Variants in MARK4 observed in about 807,000 individuals in gnomAD.
The protein encoded by MARK4 is MAP/microtubule affinity-regulating kinase 4.
Under a neutral mutation model 81.5 loss-of-function variants are expected in MARK4, and 19 were observed. The observed-to-expected ratio is 0.23, with a 90% CI of 0.16 to 0.34. MARK4 has a LOEUF of 0.34. MARK4 is among the 10% of genes least tolerant of loss of function. The probability of loss-of-function intolerance (pLI) is 1.00; values close to 1 mark genes in which losing one functional copy is unlikely to be tolerated. For synonymous variants in MARK4, 436 were observed against 439.0 expected (o/e 0.99, Z 0.08); for missense variants, 772 against 1,058.8 (o/e 0.73, Z 3.76).
chr19:45,298,028 T>A, intron 15 of MARK4, 74 bp downstream of exon 15: 5 of 1,551,158 alleles, frequency 3.2e-6, no homozygotes, highest in Non-Finnish European at 4.4e-6. Flanking sequence ...TCCACTCTGC[T>A]CTGTCTCCTG....
In MARK4 at chr19:45,287,562, TG is replaced by T; in HGVS notation, c.1395del (p.Ser466ValfsTer40). 6.3e-7 allele frequency: 1 copy of T among 1,589,242 alleles called. No individual in the cohort carries two copies. The highest frequency in any genetic ancestry group is 8.6e-7 in the Non-Finnish European group (1 of 1,166,064). ...AGGCGAGCTGCAGCACCGCGGGGAG[TG>T]GGAGTCGAGGGCTGCCCCCCTCCAG... ...RKASCSTAGSGSRGLPPSSPM... is the reference protein window; with the variant it reads ...RKASCSTAGSXSRGLPPSSPM... On this transcript the variant is annotated frameshift_variant, in exon 13 of 17. Transcript: ENST00000262891. LOFTEE classifies it high-confidence loss of function.
At chr19:45,278,985 G>A (rs899305755) in intron 10 of MARK4, among the ~76,000 whole-genome samples, 1 of 152,128 alleles carries the variant, frequency 6.6e-6, no homozygotes, top group South Asian at 2.1e-4. Flanking sequence ...TTGGGAGGTC[G>A]AGGTAGAAGA....
At position 45,278,635 on chromosome 19, in the gene MARK4, A is replaced by T. The variant is rs777646311; in HGVS notation, c.1006+20A>T. Reference sequence around the variant, plus strand: ...GAATTGGTGAGGGTCAGGGAGAGCCATCCTGTCACCCAGGATGGAGTGCAG... The same window carrying T: ...GAATTGGTGAGGGTCAGGGAGAGCCTTCCTGTCACCCAGGATGGAGTGCAG... On this transcript the variant is annotated intron_variant, in intron 10 of 16. Transcript: ENST00000262891. 25 of 1,583,026 alleles carry T rather than the reference A, an allele frequency of 1.6e-5. 1 individual carries two copies. In the South Asian group the frequency reaches 2.8e-4, roughly 18 times the overall value.
chr19:45,258,438 G>A (rs567856782), intron 1 of MARK4, among the ~76,000 whole-genome samples: 22 of 152,152 alleles, frequency 1.4e-4, no homozygotes, highest in South Asian at 8.3e-4. Flanking sequence ...GGCTGGATGC[G>A]GTGGCTCACA....
intron 8 of MARK4, among the ~76,000 whole-genome samples, chr19:45,275,487 TAA>T (rs36070190): frequency 9.3e-4 from 135 of 145,048 alleles, no homozygotes; most frequent in African/African-American, 2.5e-3. Context: ...CCTGTCTCTT[TAA>T]AAAAAAAAAA....
Position 45,287,495 on chromosome 19 carries a change from CG to C in MARK4, c.1330del (p.Glu444ArgfsTer4). 1 of 1,520,230 alleles carries C rather than the reference CG, an allele frequency of 6.6e-7. No individual in the cohort carries two copies. Among genetic ancestry groups the C allele is most frequent in the Admixed American group, 2.1e-5 (1 of 46,920 alleles). 94.2% of individuals were successfully genotyped at this position (1,520,230 alleles called of 1,614,324 possible). On this transcript the variant is annotated frameshift_variant, in exon 13 of 17. Coordinates refer to ENST00000262891, the MANE Select transcript of MARK4 (RefSeq NM_001199867.2). LOFTEE classifies it high-confidence loss of function. Reference sequence around the variant, plus strand: ...CACCCCAAACGCAGCCCGACGAGCACGGGGGAGGCGGAGCTGAAGGAGGAGC... The same window carrying C: ...CACCCCAAACGCAGCCCGACGAGCACGGGGAGGCGGAGCTGAAGGAGGAGC... ...PLHPKRSPTS[T>X]GEAELKEERL...
At chr19:45,274,646 A>G (rs1970575988) in intron 8 of MARK4, among the ~76,000 whole-genome samples, 1 of 151,844 alleles carries the variant, frequency 6.6e-6, no homozygotes, top group Non-Finnish European at 1.5e-5. Flanking sequence ...AACAAAACAA[A>G]ACAAACAAAC....
intron 12 of MARK4, among the ~76,000 whole-genome samples, chr19:45,284,568 T>TGCTTTG (rs896936948): frequency 3.3e-5 from 5 of 152,080 alleles, no homozygotes; most frequent in African/African-American, 1.2e-4. Flanking sequence ...ATGATCCACC[T>TGCTTTG]GCTTTGGCTT....
chr19:45,298,950 C>T (rs747768568), intron 15 of MARK4, among the ~76,000 whole-genome samples: 1 of 151,502 alleles, frequency 6.6e-6, no homozygotes, highest in Non-Finnish European at 1.5e-5. Context: ...GGTGACTGCA[C>T]CTGTATTCCC....
At chr19:45,292,815 T>C (rs1265703698) in intron 13 of MARK4, among the ~76,000 whole-genome samples, 1 of 151,804 alleles carries the variant, frequency 6.6e-6, no homozygotes, top group East Asian at 1.9e-4. Context: ...GAGGCTGCAG[T>C]GAGCCATGAT....
chr19:45,287,236 A>G (rs576812149), intron 12 of MARK4, among the ~76,000 whole-genome samples: 1 of 151,910 alleles, frequency 6.6e-6, no homozygotes, highest in African/African-American at 2.4e-5. Context: ...GGTGCAATGA[A>G]TGGCCTGTAT....
intron 1 of MARK4, among the ~76,000 whole-genome samples, chr19:45,255,804 GTCC>G (rs1200806428): frequency 6.6e-6 from 1 of 152,132 alleles, no homozygotes; most frequent in East Asian, 1.9e-4. Context: ...CCCTCCTGTT[GTCC>G]TCCTGCTTCC....
At chr19:45,278,976 T>C (rs954241845) in intron 10 of MARK4, among the ~76,000 whole-genome samples, 6 of 152,064 alleles carry the variant, frequency 3.9e-5, no homozygotes, top group African/African-American at 1.4e-4. Flanking sequence ...CCCAGCACTT[T>C]GGGAGGTCGA....
At chr19:45,254,175 T>A (rs1970278950) in intron 1 of MARK4, among the ~76,000 whole-genome samples, 1 of 152,044 alleles carries the variant, frequency 6.6e-6, no homozygotes, top group Non-Finnish European at 1.5e-5. Context: ...CTCCCCAGGT[T>A]CCCTAGCAAC....
At chr19:45,258,937 G>A in intron 1 of MARK4, 52 bp from the exon 2 acceptor site, 1 of 1,582,310 alleles carries the variant, frequency 6.3e-7, no homozygotes. Flanking sequence ...CTAGCCCACG[G>A]GTTCCACGGA....
intron 5 of MARK4, 30 bp downstream of exon 5, chr19:45,264,779 C>A: frequency 8.1e-6 from 13 of 1,613,972 alleles, no homozygotes; most frequent in Non-Finnish European, 1.1e-5. Flanking sequence ...CGCCCTGCCC[C>A]TGTGCCACCT....
chr19:45,300,493 A>G (rs1482011225), intron 16 of MARK4, among the ~76,000 whole-genome samples: 1 of 152,022 alleles, frequency 6.6e-6, no homozygotes, highest in Non-Finnish European at 1.5e-5. Flanking sequence ...AAACATCTGT[A>G]CGGACCCAGA....
chr19:45,268,603 A>G (rs896921260), intron 7 of MARK4, among the ~76,000 whole-genome samples: 4 of 151,536 alleles, frequency 2.6e-5, no homozygotes, highest in African/African-American at 9.7e-5. Flanking sequence ...AAAAAGAAAA[A>G]AAATTAGCTT....
Position 45,251,767 on chromosome 19 carries a change from C to G in MARK4, c.51+128C>G, listed in dbSNP as rs912132663. ...GGGCCCGACCCGGCTCGTCACCTCTCGACCCCTCCCGGACTTCCAGGCCTC... is the reference window on the plus strand; with the variant it reads ...GGGCCCGACCCGGCTCGTCACCTCTGGACCCCTCCCGGACTTCCAGGCCTC... On this transcript the variant is annotated intron_variant, in intron 1 of 16. Coordinates refer to ENST00000262891, the MANE Select transcript of MARK4 (RefSeq NM_001199867.2). The G allele has an allele frequency of 1.6e-4, 129 of 819,050 alleles. No homozygotes were observed. In the East Asian group the frequency reaches 4.0e-3, roughly 25 times the overall value. The allele number at this position is 819,050 out of a possible 1,614,324, so 50.7% of individuals were successfully genotyped here.
Sources: gnomAD v4.1 joint callset for allele counts (sites outside exome capture counted in the v4.1 genomes callset) on GRCh38, gnomAD v4.1.1 for gene constraint, MANE v1.5 for transcripts, NCBI Gene and HGNC (gene_info 2026-07-23, HGNC 2026-07-21) for gene names.